The following KYAT1 variants were observed in gnomAD, a reference collection of about 807,000 sequenced individuals.
KYAT1 encodes the protein kynurenine aminotransferase 1, also known as kynurenine--oxoglutarate transaminase 1.
Under a neutral mutation model 52.4 loss-of-function variants are expected in KYAT1, and 47 were observed. The observed-to-expected ratio is 0.90, with a 90% CI of 0.71 to 1.14. The LOEUF (loss-of-function observed/expected upper bound fraction) is 1.14, where lower values mean the gene tolerates loss of function less well. Among genes scored for constraint, KYAT1 ranks in the 50% most tolerant of loss-of-function variants. The pLI is 0.00. For synonymous variants in KYAT1, 212 were observed against 209.6 expected, an observed-to-expected ratio of 1.01 and a Z score of -0.10; for missense variants, 480 against 557.9, an observed-to-expected ratio of 0.86 and a Z score of 1.41.
At chr9:128,882,082 G>C (rs1241702431), upstream of KYAT1, 2 of 152,286 alleles carry the variant, frequency 1.3e-5, no homozygotes, top group Non-Finnish European at 2.9e-5. Context: ...CGACGCCCTG[G>C]CCGCCGCGTT....
intron 1 of KYAT1, among the ~76,000 whole-genome samples, chr9:128,854,681 G>A (rs1439284792): frequency 6.6e-6 from 1 of 152,232 alleles, no homozygotes; most frequent in Non-Finnish European, 1.5e-5. Flanking sequence ...AGGAGCAGCT[G>A]CAGCTAATTA....
chr9:128,880,655 G>A (rs1838703400), intron 1 of KYAT1, among the ~76,000 whole-genome samples: 1 of 151,952 alleles, frequency 6.6e-6, no homozygotes, highest in Non-Finnish European at 1.5e-5. Context: ...TGTTAGCCAG[G>A]ATGGTCTCGA....
intron 11 of KYAT1, 119 bp downstream of exon 11, chr9:128,835,204 C>G (rs1310111069): frequency 2.4e-6 from 2 of 827,432 alleles, no homozygotes; most frequent in Non-Finnish European, 4.2e-6. Context: ...CAACCCTGCC[C>G]CAAGGTTGAC....
chr9:128,863,484 A>C (rs1835735359), intron 1 of KYAT1, among the ~76,000 whole-genome samples: 1 of 151,728 alleles, frequency 6.6e-6, no homozygotes, highest in Non-Finnish European at 1.5e-5. Context: ...AAAAAAACCA[A>C]AACAACAAAA....
At chr9:128,849,538 G>A (rs1020470620) in intron 1 of KYAT1, among the ~76,000 whole-genome samples, 2 of 152,030 alleles carry the variant, frequency 1.3e-5, no homozygotes, top group Non-Finnish European at 2.9e-5. Context: ...GCTTATGCCT[G>A]TAATCCCAGC....
intron 1 of KYAT1, among the ~76,000 whole-genome samples, chr9:128,865,338 TATATA>T (rs1836147854): frequency 3.2e-3 from 7 of 2,170 alleles, no homozygotes; most frequent in Admixed American, 6.8e-3. Flanking sequence ...TATATATATA[TATATA>T]TATATATATA....
chr9:128,870,519 C>A (rs544290895), intron 1 of KYAT1, among the ~76,000 whole-genome samples: 2 of 152,200 alleles, frequency 1.3e-5, no homozygotes, highest in South Asian at 4.2e-4. Flanking sequence ...TGCCTGTAGT[C>A]CCAGATAATA....
chr9:128,882,222 T>TGCCGGGCG (rs1418973418), upstream of KYAT1: 1 of 152,958 alleles, frequency 6.5e-6, no homozygotes, highest in Non-Finnish European at 1.5e-5. Context: ...TGGGGCTGCC[T>TGCCGGGCG]GCCGGGCGGC....
At chr9:128,871,645 G>C (rs571821834) in intron 1 of KYAT1, among the ~76,000 whole-genome samples, 2 of 152,142 alleles carry the variant, frequency 1.3e-5, no homozygotes, top group Admixed American at 1.3e-4. Context: ...CCAGGCAGTC[G>C]AGGCAGCAGT....
intron 1 of KYAT1, among the ~76,000 whole-genome samples, chr9:128,865,140 C>A (rs1836028332): frequency 6.9e-6 from 1 of 145,662 alleles, no homozygotes; most frequent in Non-Finnish European, 1.5e-5. Flanking sequence ...GTGGGAGGAT[C>A]ACTTGAGCCT....
At chr9:128,856,501 G>T (rs1371802125) in intron 1 of KYAT1, among the ~76,000 whole-genome samples, 4 of 152,184 alleles carry the variant, frequency 2.6e-5, no homozygotes, top group South Asian at 2.1e-4. Flanking sequence ...TATGTAGAAA[G>T]GGAAGACATA....
At chr9:128,835,108 G>A (rs1170491629) in intron 11 of KYAT1, 2 of 559,074 alleles carry the variant, frequency 3.6e-6, no homozygotes, top group Non-Finnish European at 6.4e-6. Context: ...CTGCACTCCA[G>A]CCTGGGCAAG....
intron 1 of KYAT1, among the ~76,000 whole-genome samples, chr9:128,851,889 T>C (rs1023119336): frequency 7.9e-5 from 12 of 152,250 alleles, no homozygotes; most frequent in East Asian, 5.8e-4. Flanking sequence ...ATTGGGGCCA[T>C]TGGGGCTACA....
At chr9:128,866,590 C>T (rs1273330086) in intron 1 of KYAT1, among the ~76,000 whole-genome samples, 2 of 151,042 alleles carry the variant, frequency 1.3e-5, no homozygotes, top group Non-Finnish European at 2.9e-5. Context: ...CAGAGCGAGA[C>T]TCTGTCTCAA....
intron 1 of KYAT1, chr9:128,846,816 G>A (rs1466503717): frequency 6.5e-7 from 1 of 1,535,622 alleles, no homozygotes; most frequent in East Asian, 2.4e-5. Context: ...CAGATGGCTG[G>A]TGGGCCGTGG....
At chr9:128,845,662 G>A (rs987351387) in intron 1 of KYAT1, 7 of 531,370 alleles carry the variant, frequency 1.3e-5, no homozygotes, top group South Asian at 2.1e-5. Flanking sequence ...GCTGCCTGGC[G>A]CCTGCCCAGT....
At chr9:128,846,626 G>GAAAAAAA in intron 1 of KYAT1, 1 of 459,750 alleles carries the variant, frequency 2.2e-6, no homozygotes, top group South Asian at 4.5e-5. Flanking sequence ...AAAAAAAAAA[G>GAAAAAAA]AAAGAAAGAA....
intron 1 of KYAT1, among the ~76,000 whole-genome samples, chr9:128,872,902 G>A (rs896214090): frequency 2.0e-5 from 3 of 149,326 alleles, no homozygotes; most frequent in East Asian, 2.0e-4. Context: ...ATGAAACCCC[G>A]TCCCTACTGA....
chr9:128,871,413 C>G (rs1012341915), intron 1 of KYAT1, among the ~76,000 whole-genome samples: 1 of 151,996 alleles, frequency 6.6e-6, no homozygotes, highest in Non-Finnish European at 1.5e-5. Context: ...GTAGAGAAAG[C>G]TGGATGTGGT....
Sources: gnomAD v4.1 joint callset for allele counts (sites outside exome capture counted in the v4.1 genomes callset) on GRCh38, gnomAD v4.1.1 for gene constraint, MANE v1.5 for transcripts, NCBI Gene and HGNC (gene_info 2026-07-23, HGNC 2026-07-21) for gene names.